LMO7: variants seen among roughly 807,000 people sequenced by gnomAD.
LMO7 encodes LIM domain only protein 7.
Under a neutral mutation model 206.5 loss-of-function variants are expected in LMO7, and 120 were observed. The observed-to-expected ratio is 0.58, with a 90% CI of 0.50 to 0.68. LMO7 has a LOEUF of 0.68. Ranked by LOEUF, LMO7 falls within the 30% of genes least tolerant of loss-of-function variation. The probability of loss-of-function intolerance (pLI) is 0.00; values close to 1 mark genes in which losing one functional copy is unlikely to be tolerated. For missense variants in LMO7, 1,959 were observed against 1,957.9 expected (o/e 1.00, Z -0.01); for synonymous variants, 706 against 681.5 (o/e 1.04, Z -0.56).
intron 4 of LMO7, among the ~76,000 whole-genome samples, chr13:75,791,561 G>A (rs1733940245): frequency 6.6e-6 from 1 of 152,142 alleles, no homozygotes; most frequent in South Asian, 2.1e-4. Context: ...TTATGTGCTT[G>A]CCAAGTGGTA....
chr13:75,633,852 T>C (rs1006318464), upstream of LMO7, among the ~76,000 whole-genome samples: 41 of 142,814 alleles, frequency 2.9e-4, no homozygotes, highest in Admixed American at 2.9e-3. Flanking sequence ...TTTTTTTTTT[T>C]TTTTTTTTTT....
intron 1 of LMO7, among the ~76,000 whole-genome samples, chr13:75,681,317 C>T (rs1275527948): frequency 1.2e-4 from 18 of 152,046 alleles, no homozygotes; most frequent in Admixed American, 1.2e-3. Flanking sequence ...AGTCTTTAAT[C>T]CATCTTGAGT....
Position 75,841,278 on chromosome 13 carries a change from T to G in LMO7, c.3675+77T>G, listed in dbSNP as rs540185427. The G allele has an allele frequency of 5.0e-5, 45 of 897,482 alleles. No individual in the cohort carries two copies. The African/African-American group carries it at 6.3e-4, about 13-fold the overall frequency. The allele number at this position is 897,482 out of a possible 1,614,324, so 55.6% of individuals were successfully genotyped here. On this transcript the variant is annotated intron_variant, in intron 23 of 30. Transcript: ENST00000377534. ...AGATTAGCTGAGAATCAGGAGACAC[T>G]TCATTTTTCTCCACCTTTGACCATA...
chr13:75,716,417 A>G (rs1163672878), intron 2 of LMO7, among the ~76,000 whole-genome samples: 3 of 152,042 alleles, frequency 2.0e-5, no homozygotes, highest in Non-Finnish European at 4.4e-5. Context: ...CATGTTAGTC[A>G]TTTTAGTGTT....
At chr13:75,722,450 G>A (rs2044101202) in intron 2 of LMO7, among the ~76,000 whole-genome samples, 1 of 152,046 alleles carries the variant, frequency 6.6e-6, no homozygotes, top group Non-Finnish European at 1.5e-5. Context: ...AAAATGTACA[G>A]CATCGCTAAT....
intron 4 of LMO7, among the ~76,000 whole-genome samples, chr13:75,788,147 C>A (rs896824460): frequency 6.6e-6 from 1 of 152,098 alleles, no homozygotes; most frequent in Admixed American, 6.6e-5. Flanking sequence ...TCTCATTATT[C>A]TCTTAAAATT....
intron 26 of LMO7, among the ~76,000 whole-genome samples, chr13:75,848,619 GTA>G (rs34428363): frequency 0.7 from 102,847 of 145,962 alleles, 36,135 homozygotes; most frequent in Middle Eastern, 0.86. Flanking sequence ...TGGATACCCA[GTA>G]TATATATATA....
At position 75,805,654 on chromosome 13, in the gene LMO7, G is replaced by A. The variant is rs2055351416; in HGVS notation, c.1090G>A (p.Ala364Thr). The stretch of plus-strand genomic sequence containing the variant: ...TCCAGTCATGCCAAACCCAGGGAAT[G>A]CTTTTGATCAGTTTCTTCCCAAATG... Reference protein sequence around the residue: ...LSPVMPNPGNAFDQFLPKCWT... With the variant: ...LSPVMPNPGNTFDQFLPKCWT... The change falls in exon 9 of 31, where the codon GCT becomes ACT. Residue 364 changes from alanine to threonine, a missense_variant. Physicochemically the swap from Ala to Thr is moderately conservative, Grantham distance 58. Coordinates refer to ENST00000377534, the MANE Select transcript of LMO7 (RefSeq NM_001306080.2). 6.2e-7 allele frequency: 1 copy of A among 1,614,056 alleles called. No homozygotes were observed. The highest frequency in any genetic ancestry group is 8.5e-7 in the Non-Finnish European group (1 of 1,179,894).
chr13:75,635,415 G>C (rs548203465), upstream of LMO7, among the ~76,000 whole-genome samples: 363 of 152,244 alleles, frequency 2.4e-3, 2 homozygotes, highest in Non-Finnish European at 4.2e-3. Context: ...CGCGCAAGCC[G>C]ACCCGTGTGC....
chr13:75,681,737 T>TATATATATATATATATATATAC (rs2040544877), intron 1 of LMO7, among the ~76,000 whole-genome samples: 1 of 130,854 alleles, frequency 7.6e-6, no homozygotes, highest in African/African-American at 3.1e-5. Context: ...TATATATATA[T>TATATATATATATATATATATAC]ATATATATAT....
At chr13:75,636,836 C>A in intron 1 of LMO7, 110 bp downstream of exon 1, 1 of 1,081,498 alleles carries the variant, frequency 9.2e-7, no homozygotes, top group Non-Finnish European at 1.4e-6. Context: ...CTTCGGCGAC[C>A]CAGCCGACGT....
intron 1 of LMO7, among the ~76,000 whole-genome samples, chr13:75,653,166 C>T (rs1000389506): frequency 2.6e-5 from 4 of 152,072 alleles, no homozygotes; most frequent in African/African-American, 4.8e-5. Flanking sequence ...AGAAAACTTG[C>T]CCCTTCAAGG....
At chr13:75,622,196 C>A in intron 1 of LMO7, 1 of 163,826 alleles carries the variant, frequency 6.1e-6, no homozygotes, top group East Asian at 1.7e-4. Context: ...CCCTCCCAGG[C>A]ATTTTCAACC....
At chr13:75,684,680 C>G (rs1423060644) in intron 1 of LMO7, among the ~76,000 whole-genome samples, 1 of 151,770 alleles carries the variant, frequency 6.6e-6, no homozygotes, top group Admixed American at 6.6e-5. Flanking sequence ...GCTTCGAAAT[C>G]CTGTAACATA....
intron 11 of LMO7, among the ~76,000 whole-genome samples, chr13:75,816,009 T>A (rs1336450193): frequency 6.6e-6 from 1 of 152,226 alleles, no homozygotes; most frequent in African/African-American, 2.4e-5. Context: ...TATTTTAATC[T>A]GTCCTTTGGC....
At chr13:75,796,821 T>G in intron 6 of LMO7, 72 bp downstream of exon 6, 1 of 938,294 alleles carries the variant, frequency 1.1e-6, no homozygotes, top group Non-Finnish European at 1.7e-6. Flanking sequence ...TCCTCTCTTC[T>G]TTTTCTTCTC....
Position 75,636,449 on chromosome 13 carries a change from C to A in LMO7, c.-209C>A. The A allele has an allele frequency of 7.1e-7, 1 of 1,410,220 alleles. No homozygotes were observed. Among genetic ancestry groups the A allele is most frequent in the Non-Finnish European group, 9.2e-7 (1 of 1,087,144 alleles). The allele number at this position is 1,410,220 out of a possible 1,614,324, so 87.4% of individuals were successfully genotyped here. A position where few individuals can be genotyped will look rare whatever the true frequency, so the allele number is the denominator to read the frequency against. The stretch of plus-strand genomic sequence containing the variant: ...GTCGCTTTCAGGAGTTTAGAGAAAG[C>A]CAGGTCTTCACGTTCGTGTAGGTTC... On this transcript the variant is annotated 5_prime_UTR_variant, in exon 1 of 31. Coordinates refer to ENST00000377534, the MANE Select transcript of LMO7 (RefSeq NM_001306080.2).
chr13:75,723,735 C>T (rs190188069), intron 2 of LMO7, among the ~76,000 whole-genome samples: 24 of 152,146 alleles, frequency 1.6e-4, no homozygotes, highest in Non-Finnish European at 3.2e-4. Context: ...TTGAAGGGAG[C>T]GGACAATTTG....
chr13:75,845,300 T>C, intron 25 of LMO7, 27 bp from the exon 26 acceptor site: 4 of 1,223,156 alleles, frequency 3.3e-6, no homozygotes, highest in Non-Finnish European at 4.7e-6. Context: ...ATGAGACATA[T>C]TTAATATATT....
Sources: gnomAD v4.1 joint callset for allele counts (sites outside exome capture counted in the v4.1 genomes callset) on GRCh38, gnomAD v4.1.1 for gene constraint, MANE v1.5 for transcripts, NCBI Gene and HGNC (gene_info 2026-07-23, HGNC 2026-07-21) for gene names.